Variants in GHRL observed in about 807,000 individuals in gnomAD.
GHRL encodes the protein appetite-regulating hormone.
GHRL carries 24 observed loss-of-function variants against 16.9 expected under a neutral mutation model. The ratio of observed to expected loss-of-function variants is 1.42; its 90% CI spans 1.03 to 2.00. The LOEUF (loss-of-function observed/expected upper bound fraction) is 2.00, where lower values mean the gene tolerates loss of function less well. GHRL is among the 30% of genes most tolerant of loss of function. The pLI is 0.00. For missense variants in GHRL, 193 were observed against 142.1 expected, an observed-to-expected ratio of 1.36 and a Z score of -1.82; for synonymous variants, 63 against 58.2, an observed-to-expected ratio of 1.08 and a Z score of -0.37.
intron 2 of GHRL, 167 bp from the exon 3 acceptor site, chr3:10,290,376 G>T: frequency 1.6e-6 from 1 of 640,760 alleles, no homozygotes; most frequent in Non-Finnish European, 2.7e-6. Flanking sequence ...GATGATGGAT[G>T]TGTGTTCTCT....
In GHRL at chr3:10,285,799, A is replaced by T; in HGVS notation, c.*76T>A. ...CCTGAGCTTGTACAACAGTCGTGGG[A>T]GTTGCTGCAGAAGCAAGCGAAAAGC... is the stretch of plus-strand genomic sequence containing the variant. On this transcript the variant is annotated 3_prime_UTR_variant, in exon 6 of 6. Coordinates refer to ENST00000335542, the MANE Select transcript of GHRL (RefSeq NM_016362.5). 2 of 1,127,054 alleles carry T rather than the reference A, an allele frequency of 1.8e-6. No homozygotes were observed. The highest frequency in any genetic ancestry group is 2.7e-6 in the Non-Finnish European group (2 of 736,480). The allele number at this position is 1,127,054 out of a possible 1,614,324, so 69.8% of individuals were successfully genotyped here. A position where few individuals can be genotyped will look rare whatever the true frequency, so the allele number is the denominator to read the frequency against.
rs762523533 is a variant in GHRL at position 10,289,869 on chromosome 3, C to T, written c.118G>A (p.Glu40Lys). ...AGCTTGGCTGGTGGCTTCTTCGACT[C>T]CTTTCTCTGCTGGAAGGGGGAAACA... ...PEHQRVQQRK[E>K]SKKPPAKLQP... The change falls in exon 4 of 6, where the codon GAG (glutamate) becomes AAG (lysine). Residue 40 changes from glutamate to lysine, a missense_variant. Glu to Lys is a moderately conservative substitution (Grantham distance 56). Transcript: ENST00000335542. The T allele has an allele frequency of 6.2e-7, 1 of 1,612,032 alleles. No homozygotes were observed. Among genetic ancestry groups the T allele is most frequent in the Non-Finnish European group, 8.5e-7 (1 of 1,178,506 alleles).
At position 10,291,337 on chromosome 3, in the gene GHRL, G is replaced by A; in HGVS notation, c.-651C>T. 2 of 985,546 alleles carry A rather than the reference G, an allele frequency of 2.0e-6. No individual in the cohort carries two copies. The highest frequency in any genetic ancestry group is 2.4e-6 in the Non-Finnish European group (2 of 829,992). 61.1% of individuals were successfully genotyped at this position (985,546 alleles called of 1,614,324 possible). A position where few individuals can be genotyped will look rare whatever the true frequency, so the allele number is the denominator to read the frequency against. On this transcript the variant is annotated 5_prime_UTR_variant, in exon 2 of 6. Transcript: ENST00000335542. Reference sequence around the variant, plus strand: ...TATGCTTCAGTCATTTCTGCCAGGTGTGACATGACTGCCTGGCCTGGCGTT... The same window carrying A: ...TATGCTTCAGTCATTTCTGCCAGGTATGACATGACTGCCTGGCCTGGCGTT...
At chr3:10,288,886 A>G (rs1438993276) in intron 4 of GHRL, among the ~76,000 whole-genome samples, 1 of 152,158 alleles carries the variant, frequency 6.6e-6, no homozygotes, top group Non-Finnish European at 1.5e-5. Context: ...CGTCCCTTCC[A>G]CACACCGCTG....
At chr3:10,289,704 C>G in intron 4 of GHRL, 58 bp downstream of exon 4, 1 of 1,069,836 alleles carries the variant, frequency 9.3e-7, no homozygotes, top group Non-Finnish European at 1.5e-6. Context: ...TGCCCTCCCT[C>G]TCCCCTGACC....
Position 10,286,865 on chromosome 3 carries a change from C to T in GHRL, c.226-53G>A, listed in dbSNP as rs920032107. ...GAGATGTCAGAGGTCATGCCCATCC[C>T]CATCTCAAAGGGGGCTCTGGGCTCT... On this transcript the variant is annotated intron_variant, in intron 4 of 5. Coordinates refer to ENST00000335542, the MANE Select transcript of GHRL (RefSeq NM_016362.5). 92 of 1,085,542 alleles carry T rather than the reference C, an allele frequency of 8.5e-5. No individual in the cohort carries two copies. In the Admixed American group the frequency reaches 9.5e-4, roughly 11 times the overall value. 67.2% of individuals were successfully genotyped at this position (1,085,542 alleles called of 1,614,324 possible).
intron 4 of GHRL, among the ~76,000 whole-genome samples, 186 bp downstream of exon 4, chr3:10,289,575 AT>A (rs1424092988): frequency 6.6e-6 from 1 of 151,856 alleles, no homozygotes; most frequent in Non-Finnish European, 1.5e-5. Context: ...TCTTCTAGAT[AT>A]TTTTCTCTTA....
rs1437269232 is a variant in GHRL, at chr3:10,290,953, T to C, written c.-267A>G. On this transcript the variant is annotated 5_prime_UTR_variant, in exon 2 of 6. Transcript: ENST00000335542. ...AAGAAGCATGTGCTCCAGCTGTCCC[T>C]GGAACACGGTGGCGGGGTGCCCCAA... 2 of 985,654 alleles carry C rather than the reference T, an allele frequency of 2.0e-6. No homozygotes were observed. The highest frequency in any genetic ancestry group is 1.7e-5 in the African/African-American group (1 of 57,252). The allele number at this position is 985,654 out of a possible 1,614,324, so 61.1% of individuals were successfully genotyped here.
In GHRL at chr3:10,285,720, T is replaced by C. The variant is rs1203353653; in HGVS notation, c.*155A>G. 1.5e-5 allele frequency: 9 copies of C among 610,096 alleles called. No homozygotes were observed. The Admixed American group carries it at 2.4e-4, about 16-fold the overall frequency. 37.8% of individuals were successfully genotyped at this position (610,096 alleles called of 1,614,324 possible). A position where few individuals can be genotyped will look rare whatever the true frequency, so the allele number is the denominator to read the frequency against. ...AAGTAAAATATTAACTTTTCCTCTT[T>C]GAAATAAATTCCCATTTGGAACATC... On this transcript the variant is annotated 3_prime_UTR_variant, in exon 6 of 6. Transcript: ENST00000335542.
Position 10,291,371 on chromosome 3 carries a change from TA to T in GHRL, c.-686del. 1.0e-6 allele frequency: 1 copy of T among 985,540 alleles called. No homozygotes were observed. Among genetic ancestry groups the T allele is most frequent in the Non-Finnish European group, 1.2e-6 (1 of 829,982 alleles). 61.0% of individuals were successfully genotyped at this position (985,540 alleles called of 1,614,324 possible). A position where few individuals can be genotyped will look rare whatever the true frequency, so the allele number is the denominator to read the frequency against. ...CTGCCTGGCCTGGCGTTTTTTCACA[TA>T]GCAGCTTGCCTTGCCTCCCTCCAGC... is the stretch of plus-strand genomic sequence containing the variant. On this transcript the variant is annotated 5_prime_UTR_variant, in exon 2 of 6. It introduces an in-frame stop codon into an upstream open reading frame of the 5' UTR. Transcript: ENST00000335542.
Position 10,289,886 on chromosome 3 carries a change from G to C in GHRL, c.109-8C>G, listed in dbSNP as rs1476246947. On this transcript the variant is annotated splice_polypyrimidine_tract_variant and splice_region_variant and intron_variant, in intron 3 of 5. Coordinates refer to ENST00000335542, the MANE Select transcript of GHRL (RefSeq NM_016362.5). The stretch of plus-strand genomic sequence containing the variant: ...CTTCGACTCCTTTCTCTGCTGGAAG[G>C]GGGAAACAGTCTGTTTAGGACTCTA... 26 of 1,602,588 alleles carry C rather than the reference G, an allele frequency of 1.6e-5. No homozygotes were observed. The Admixed American group carries it at 3.7e-4, about 23-fold the overall frequency.
rs1267917508 is a variant in GHRL at position 10,290,202 on chromosome 3, A to G, written c.-22T>C. On this transcript the variant is annotated 5_prime_UTR_variant, in exon 3 of 6. Transcript: ENST00000335542. Reference sequence around the variant, plus strand: ...GCATGGCCTCAGCTGGGTTGCAGACAGGTGGGCCTGGGGGAGAGAGGGTCT... The same window carrying G: ...GCATGGCCTCAGCTGGGTTGCAGACGGGTGGGCCTGGGGGAGAGAGGGTCT... 1.2e-6 allele frequency: 2 copies of G among 1,600,500 alleles called. No individual in the cohort carries two copies. Among genetic ancestry groups the G allele is most frequent in the Admixed American group, 1.7e-5 (1 of 57,202 alleles).
Position 10,286,711 on chromosome 3 carries a change from C to T in GHRL, c.327G>A (p.Glu109=), listed in dbSNP as rs1201718906. 1 of 1,585,452 alleles carries T rather than the reference C, an allele frequency of 6.3e-7. No homozygotes were observed. Among genetic ancestry groups the T allele is most frequent in the African/African-American group, 1.3e-5 (1 of 74,508 alleles). Residue 109 remains glutamate (E), a synonymous_variant, in exon 5 of 6, where the codon GAG becomes GAA. Transcript: ENST00000335542. Reference sequence around the variant, plus strand: ...AGTCCAGGCAGGACTCACCTTTGGCCTCTTCCCAGAGGATGTCCTGAAGAA... The same window carrying T: ...AGTCCAGGCAGGACTCACCTTTGGCTTCTTCCCAGAGGATGTCCTGAAGAA... ...GKFLQDILWE[E]AKEAPADK
chr3:10,285,752 C>T lies in GHRL; in HGVS notation c.*123G>A, dbSNP rs1698959478. 7.0e-6 allele frequency: 5 copies of T among 709,838 alleles called. No individual in the cohort carries two copies. The highest frequency in any genetic ancestry group is 2.5e-4 in the Middle Eastern group (1 of 4,080). The allele number at this position is 709,838 out of a possible 1,614,324, so 44.0% of individuals were successfully genotyped here. A position where few individuals can be genotyped will look rare whatever the true frequency, so the allele number is the denominator to read the frequency against. ...AATTCCCATTTGGAACATCAGCATA[C>T]AGTTTGAACATTTATTCGCCTCCTG... is the stretch of plus-strand genomic sequence containing the variant. On this transcript the variant is annotated 3_prime_UTR_variant, in exon 6 of 6. Coordinates refer to ENST00000335542, the MANE Select transcript of GHRL (RefSeq NM_016362.5).
rs749612662 is a variant in GHRL at position 10,290,039 on chromosome 3, GAAC to G, written c.108+31_108+33del. ...AGCTGGTTGCTAAGTGGCAGGGCTG[GAAC>G]AACATGTGGGGCTTTGTGGGGAGGT... is the stretch of plus-strand genomic sequence containing the variant. On this transcript the variant is annotated intron_variant, in intron 3 of 5. Coordinates refer to ENST00000335542, the MANE Select transcript of GHRL (RefSeq NM_016362.5). 1.1e-5 allele frequency: 17 copies of G among 1,608,476 alleles called. No homozygotes were observed. In the African/African-American group the frequency reaches 2.1e-4, roughly 20 times the overall value.
Position 10,291,421 on chromosome 3 carries a change from A to T in GHRL, c.-735T>A. 1 of 985,474 alleles carries T rather than the reference A, an allele frequency of 1.0e-6. No individual in the cohort carries two copies. Among genetic ancestry groups the T allele is most frequent in the Non-Finnish European group, 1.2e-6 (1 of 829,984 alleles). The allele number at this position is 985,474 out of a possible 1,614,324, so 61.0% of individuals were successfully genotyped here. The stretch of plus-strand genomic sequence containing the variant: ...GCAGCTTTGGTCCCTATTTTAGCGG[A>T]TGCCTCTTCTGAGAGGGAAGTGCAT... On this transcript the variant is annotated 5_prime_UTR_variant, in exon 2 of 6. Coordinates refer to ENST00000335542, the MANE Select transcript of GHRL (RefSeq NM_016362.5).
intron 2 of GHRL, 35 bp downstream of exon 2, chr3:10,290,680 GT>G: frequency 1.0e-6 from 1 of 1,001,988 alleles, no homozygotes; most frequent in Non-Finnish European, 1.2e-6. Context: ...CAATAAACCT[GT>G]CAGCAAACGC....
chr3:10,292,700 G>A, intron 1 of GHRL, 142 bp downstream of exon 1: 1 of 615,926 alleles, frequency 1.6e-6, no homozygotes, highest in Non-Finnish European at 2.9e-6. Context: ...TGAATGTGGA[G>A]AGGGTGGAGA....
intron 4 of GHRL, chr3:10,287,203 C>T (rs1699211910): frequency 6.1e-6 from 1 of 164,192 alleles, no homozygotes; most frequent in African/African-American, 2.4e-5. Context: ...TCAGCACTGG[C>T]CTGCTGGCCT....
Sources: allele counts gnomAD v4.1 joint callset (sites outside exome capture counted in the v4.1 genomes callset), GRCh38; gene constraint gnomAD v4.1.1; transcripts MANE v1.5; gene names NCBI Gene and HGNC (gene_info 2026-07-23, HGNC 2026-07-21).